ACO1: variants seen among roughly 807,000 people sequenced by gnomAD.
ACO1 encodes the protein aconitase 1, also known as cytoplasmic aconitate hydratase.
Under a neutral mutation model 105.1 loss-of-function variants are expected in ACO1, and 78 were observed. The observed-to-expected ratio is 0.74, with a 90% CI of 0.62 to 0.90. The LOEUF is 0.90. Among genes scored for constraint, ACO1 ranks in the 40% least tolerant of loss-of-function variants. The pLI, the probability that ACO1 is intolerant of heterozygous loss-of-function variation, is 0.00. For synonymous variants in ACO1, 364 were observed against 397.4 expected, an observed-to-expected ratio of 0.92 and a Z score of 1.00; for missense variants, 965 against 1,111.1, an observed-to-expected ratio of 0.87 and a Z score of 1.87.
At chr9:32,403,266 A>G (rs1821537235) in intron 1 of ACO1, among the ~76,000 whole-genome samples, 1 of 152,188 alleles carries the variant, frequency 6.6e-6, no homozygotes, top group African/African-American at 2.4e-5. Flanking sequence ...GGAAATAATG[A>G]TAGATTTCAT....
At chr9:32,411,933 G>A (rs1192603311) in intron 4 of ACO1, among the ~76,000 whole-genome samples, 4 of 151,754 alleles carry the variant, frequency 2.6e-5, no homozygotes, top group Non-Finnish European at 5.9e-5. Context: ...GACCGGGGTG[G>A]CGTGATCACA....
intron 12 of ACO1, among the ~76,000 whole-genome samples, chr9:32,428,870 G>T (rs1462998152): frequency 6.6e-6 from 1 of 151,976 alleles, no homozygotes; most frequent in Non-Finnish European, 1.5e-5. Flanking sequence ...GCGTGAGTTT[G>T]TTTATACCAG....
chr9:32,434,430 T>C lies in ACO1; in HGVS notation c.1957-129T>C, dbSNP rs533159642. 82 of 1,062,574 alleles carry C rather than the reference T, an allele frequency of 7.7e-5. No individual in the cohort carries two copies. The African/African-American group carries it at 9.7e-4, about 13-fold the overall frequency. The allele number at this position is 1,062,574 out of a possible 1,614,324, so 65.8% of individuals were successfully genotyped here. ...GCCTCTTTGATAAAAACTAGAACAC[T>C]AGAATTTTCTGTGCATTGGTGTGGA... is the stretch of plus-strand genomic sequence containing the variant. On this transcript the variant is annotated intron_variant, in intron 16 of 20. Coordinates refer to ENST00000309951, the MANE Select transcript of ACO1 (RefSeq NM_002197.3).
rs373216406 is a variant in ACO1 at position 32,397,246 on chromosome 9, C to T, written c.-22-8239C>T. 1.6e-4 allele frequency among the ~76,000 whole-genome samples: 24 copies of T among 152,254 alleles called. No homozygotes were observed. The South Asian group carries it at 1.9e-3, about 12-fold the overall frequency. ...TCCATTCTTTCTGCACCACTCTTTT[C>T]CCCCCAGTTTCTCTCCAAAAAATAG... On this transcript the variant is annotated intron_variant, in intron 1 of 20. Coordinates refer to ENST00000309951, the MANE Select transcript of ACO1 (RefSeq NM_002197.3).
At chr9:32,410,878 C>T (rs572662664) in intron 4 of ACO1, among the ~76,000 whole-genome samples, 1 of 152,308 alleles carries the variant, frequency 6.6e-6, no homozygotes, top group East Asian at 1.9e-4. Context: ...AGTCAGGAAG[C>T]TCTGCTTTGC....
intron 12 of ACO1, 110 bp from the exon 13 acceptor site, chr9:32,429,309 T>C (rs1822172639): frequency 1.0e-5 from 9 of 888,180 alleles, no homozygotes; most frequent in South Asian, 6.0e-5. Context: ...ACTTAGTTCA[T>C]GCACTGCAAT....
Position 32,452,790 on chromosome 9 carries a change from AAAAAAAATAAATAAAT to A in ACO1, c.*2683_*2698del. 6.7e-6 allele frequency: 1 copy of A among 150,068 alleles called. No homozygotes were observed. Among genetic ancestry groups the A allele is most frequent in the East Asian group, 1.9e-4 (1 of 5,142 alleles). 9.3% of individuals were successfully genotyped at this position (150,068 alleles called of 1,614,324 possible). A position where few individuals can be genotyped will look rare whatever the true frequency, so the allele number is the denominator to read the frequency against. ...ACCAGCCTGGGCAACACTCTACAAA[AAAAAAAATAAATAAAT>A]AAATAAATAAAATAAATCAGCCAGG... On this transcript the variant is annotated 3_prime_UTR_variant, in exon 21 of 21. Transcript: ENST00000309951.
chr9:32,417,590 G>A (rs542436453), intron 4 of ACO1, among the ~76,000 whole-genome samples: 4 of 152,200 alleles, frequency 2.6e-5, no homozygotes, highest in Non-Finnish European at 1.5e-5. Context: ...GTTCACAGAT[G>A]TTATCAAGTG....
intron 8 of ACO1, among the ~76,000 whole-genome samples, chr9:32,422,882 A>C (rs1029178851): frequency 6.6e-6 from 1 of 152,254 alleles, no homozygotes; most frequent in African/African-American, 2.4e-5. Context: ...GAAAGTGCTC[A>C]GTAGCCAGTG....
intron 4 of ACO1, among the ~76,000 whole-genome samples, chr9:32,409,706 T>G (rs564102895): frequency 8.9e-4 from 136 of 152,154 alleles, no homozygotes; most frequent in African/African-American, 3.2e-3. Context: ...TTTTAAAAAT[T>G]AGCCATGTGT....
rs41313772 is a variant in ACO1, at chr9:32,405,591, G to T, written c.85G>T (p.Asp29Tyr). 1.4e-3 allele frequency: 2,202 copies of T among 1,609,492 alleles called. 3 individuals are homozygous for T. The highest frequency in any genetic ancestry group is 1.7e-3 in the Non-Finnish European group (1,990 of 1,176,254). Reference sequence around the variant, plus strand: ...ATTCTTCAATTTGAATAAATTGGAGGATTCAAGATATGGTAGGTACATGGC... The same window carrying T: ...ATTCTTCAATTTGAATAAATTGGAGTATTCAAGATATGGTAGGTACATGGC... ...KKFFNLNKLEDSRYGRLPFSI... is the reference protein window; with the variant it reads ...KKFFNLNKLEYSRYGRLPFSI... The change falls in exon 2 of 21, where the codon GAT becomes TAT. Residue 29 changes from aspartate to tyrosine, a missense_variant. By Grantham distance (160) the Asp-to-Tyr change is radical. Transcript: ENST00000309951.
Position 32,424,668 on chromosome 9 carries a change from A to AGG in ACO1, c.1188+6_1188+7dup, listed in dbSNP as rs1165187876. 1 of 1,608,892 alleles carries AGG rather than the reference A, an allele frequency of 6.2e-7. No homozygotes were observed. On this transcript the variant is annotated splice_donor_region_variant and intron_variant, in intron 10 of 20. Transcript: ENST00000309951. ...TTGAGAGCTGCCTTGGAGCCAAGGT[A>AGG]GGGGCCTGCGGGAAGAGGTTGAATC...
chr9:32,421,312 G>C (rs1330442937), intron 8 of ACO1, among the ~76,000 whole-genome samples: 1 of 152,144 alleles, frequency 6.6e-6, no homozygotes, highest in Admixed American at 6.5e-5. Context: ...TCTTAGTAAT[G>C]GTTACTGCTG....
intron 19 of ACO1, 72 bp from the exon 20 acceptor site, chr9:32,448,824 A>G: frequency 1.3e-6 from 2 of 1,559,796 alleles, no homozygotes; most frequent in South Asian, 1.1e-5. Flanking sequence ...CTCTCTCACA[A>G]AGTCTTTTGT....
intron 10 of ACO1, among the ~76,000 whole-genome samples, chr9:32,425,102 A>G (rs1163290451): frequency 6.6e-6 from 1 of 152,188 alleles, no homozygotes; most frequent in Non-Finnish European, 1.5e-5. Flanking sequence ...TGGACACTTC[A>G]TGGTGCTTGG....
At position 32,408,507 on chromosome 9, in the gene ACO1, C is replaced by T; in HGVS notation, c.267-7C>T. ...TATTTTCTGCATTATTCTCTTTCTT[C>T]TCTTAGGGGTGTGCCCGCTGTGGTT... On this transcript the variant is annotated splice_region_variant and splice_polypyrimidine_tract_variant and intron_variant, in intron 3 of 20. Coordinates refer to ENST00000309951, the MANE Select transcript of ACO1 (RefSeq NM_002197.3). The T allele has an allele frequency of 6.2e-7, 1 of 1,613,676 alleles. No individual in the cohort carries two copies. Among genetic ancestry groups the T allele is most frequent in the Non-Finnish European group, 8.5e-7 (1 of 1,179,832 alleles).
intron 4 of ACO1, among the ~76,000 whole-genome samples, chr9:32,411,293 T>C (rs1445346473): frequency 2.0e-5 from 3 of 152,160 alleles, no homozygotes; most frequent in African/African-American, 2.4e-5. Context: ...CAACTATCAG[T>C]GGGAGAAATA....
chr9:32,413,504 C>A (rs957201624), intron 4 of ACO1, among the ~76,000 whole-genome samples: 2 of 141,814 alleles, frequency 1.4e-5, no homozygotes, highest in South Asian at 2.3e-4. Context: ...AAAAAAAAAT[C>A]TTTTAGAAGT....
chr9:32,387,954 C>A lies in ACO1; in HGVS notation c.-23+3219C>A, dbSNP rs925990302. On this transcript the variant is annotated intron_variant, in intron 1 of 20. Coordinates refer to ENST00000309951, the MANE Select transcript of ACO1 (RefSeq NM_002197.3). ...GCGTGAATACCAGAAACTTGAGTCT[C>A]CAAGATGGACGTAGCGGGCAGTAGT... is the stretch of plus-strand genomic sequence containing the variant. 2.0e-5 allele frequency among the ~76,000 whole-genome samples: 3 copies of A among 152,248 alleles called. No homozygotes were observed. In the East Asian group the frequency reaches 5.8e-4, roughly 29 times the overall value.
Sources: allele counts gnomAD v4.1 joint callset (sites outside exome capture counted in the v4.1 genomes callset), GRCh38; gene constraint gnomAD v4.1.1; transcripts MANE v1.5; gene names NCBI Gene and HGNC (gene_info 2026-07-23, HGNC 2026-07-21).